Variants in ANK2 observed in about 807,000 individuals in gnomAD.
ANK2 encodes the protein ankyrin 2.
ANK2 carries 83 observed loss-of-function variants against 360.5 expected under a neutral mutation model. The observed-to-expected ratio is 0.23, with a 90% CI of 0.19 to 0.28. ANK2 has a LOEUF of 0.28. Among genes scored for constraint, ANK2 ranks in the 10% least tolerant of loss-of-function variants. The pLI, the probability that ANK2 is intolerant of heterozygous loss-of-function variation, is 1.00. For synonymous variants in ANK2, 1,740 were observed against 1,759.5 expected, an observed-to-expected ratio of 0.99 and a Z score of 0.28; for missense variants, 4,201 against 4,795.7, an observed-to-expected ratio of 0.88 and a Z score of 3.66.
At chr4:113,127,106 A>C (rs760170014) in intron 1 of ANK2, among the ~76,000 whole-genome samples, 2 of 151,688 alleles carry the variant, frequency 1.3e-5, no homozygotes, top group Non-Finnish European at 2.9e-5. Context: ...TTTCACTTAC[A>C]ATCAAACAGA....
At chr4:112,959,720 A>G (rs1485530315) in intron 2 of ANK2, among the ~76,000 whole-genome samples, 1 of 152,332 alleles carries the variant, frequency 6.6e-6, no homozygotes, top group East Asian at 1.9e-4. Context: ...TGGTGCTTCT[A>G]TGGAAGTCTT....
intron 14 of ANK2, among the ~76,000 whole-genome samples, chr4:113,267,966 A>T (rs536967266): frequency 5.3e-5 from 8 of 152,250 alleles, no homozygotes; most frequent in African/African-American, 1.4e-4. Flanking sequence ...GGTCCTTCAC[A>T]TCCCTTGTAA....
intron 1 of ANK2, among the ~76,000 whole-genome samples, chr4:112,831,475 T>A (rs995658630): frequency 1.3e-5 from 2 of 152,154 alleles, no homozygotes; most frequent in African/African-American, 4.8e-5. Context: ...AGCTCAAGGT[T>A]TGTAAACACA....
chr4:113,088,457 A>G (rs529275887), intron 1 of ANK2, among the ~76,000 whole-genome samples: 93 of 152,336 alleles, frequency 6.1e-4, no homozygotes, highest in Middle Eastern at 6.8e-3. Context: ...GCGTTTACCT[A>G]TATAAAGTGG....
chr4:112,714,431 C>T, the ANK2 span, among the ~76,000 whole-genome samples: 1 of 152,222 alleles, frequency 6.6e-6, no homozygotes. Flanking sequence ...AATCTACCCA[C>T]CTTGGTCTCC....
rs1362099312 is a variant in ANK2, at chr4:113,360,909, G to A, written c.10756+12G>A. 3.1e-6 allele frequency: 5 copies of A among 1,610,120 alleles called. No individual in the cohort carries two copies. The African/African-American group carries it at 5.3e-5, about 17-fold the overall frequency. ...CTTCAGCTGGACAGGTAAAAAGAAT[G>A]TGACCCAGGTTTTCAACAAAACCTG... On this transcript the variant is annotated intron_variant, in intron 39 of 45. Transcript: ENST00000357077.
At chr4:113,370,315 T>A (rs2096683578) in intron 43 of ANK2, among the ~76,000 whole-genome samples, 1 of 151,908 alleles carries the variant, frequency 6.6e-6, no homozygotes, top group Non-Finnish European at 1.5e-5. Context: ...TTTTTTTTTT[T>A]AAGATTTATT....
chr4:112,742,085 A>G, the ANK2 span, among the ~76,000 whole-genome samples: 2 of 151,944 alleles, frequency 1.3e-5, no homozygotes, highest in African/African-American at 4.8e-5. Flanking sequence ...TGAGACCAGG[A>G]GTTCAAACCA....
the ANK2 span, among the ~76,000 whole-genome samples, chr4:112,777,183 C>T: frequency 1.3e-5 from 2 of 152,096 alleles, no homozygotes; most frequent in African/African-American, 4.8e-5. Flanking sequence ...GTATGTAAGG[C>T]TTACATGTGC....
chr4:113,331,856 C>G, intron 27 of ANK2, 116 bp from the exon 28 acceptor site: 1 of 947,842 alleles, frequency 1.1e-6, no homozygotes. Flanking sequence ...GAACCAAACG[C>G]AGTGTGAAAC....
At chr4:112,770,711 C>CAA in the ANK2 span, among the ~76,000 whole-genome samples, 11,570 of 121,336 alleles carry the variant, frequency 0.095, 628 homozygotes, top group Non-Finnish European at 0.13. Flanking sequence ...CTCTCTCTCT[C>CAA]AAAAAAAAAA....
chr4:113,185,393 A>C (rs542232401), intron 2 of ANK2, among the ~76,000 whole-genome samples: 1 of 152,312 alleles, frequency 6.6e-6, no homozygotes, highest in South Asian at 2.1e-4. Flanking sequence ...CTGACTTTTT[A>C]GTGATAGCCA....
rs2095631379 is a variant in ANK2, at chr4:113,354,648, C to A, written c.6030C>A (p.Leu2010=). 6.2e-7 allele frequency: 1 copy of A among 1,614,094 alleles called. No homozygotes were observed. Among genetic ancestry groups the A allele is most frequent in the South Asian group, 1.1e-5 (1 of 91,078 alleles). ...ACCCTTCTAAACATAAAACTGGACT[C>A]TTTGAGCACAAATCAGCAAAACAAA... is the stretch of plus-strand genomic sequence containing the variant. The part of the protein sequence containing the change: ...GQDPSKHKTG[L]FEHKSAKQKQ... Residue 2010 remains leucine, a synonymous_variant, in exon 38 of 46, where the codon CTC becomes CTA. Coordinates refer to ENST00000357077, the MANE Select transcript of ANK2 (RefSeq NM_001148.6).
At chr4:112,975,176 A>C (rs1582327303) in intron 2 of ANK2, among the ~76,000 whole-genome samples, 1 of 152,298 alleles carries the variant, frequency 6.6e-6, no homozygotes, top group East Asian at 1.9e-4. Context: ...CTTTTGGTAA[A>C]GGAATATACT....
chr4:113,309,981 A>C (rs1297313314), intron 23 of ANK2, among the ~76,000 whole-genome samples: 1 of 152,194 alleles, frequency 6.6e-6, no homozygotes, highest in Non-Finnish European at 1.5e-5. Flanking sequence ...GTTCTACCTG[A>C]TCAAATGCTG....
At chr4:113,077,074 T>A (rs1334161260) in intron 1 of ANK2, among the ~76,000 whole-genome samples, 2 of 152,124 alleles carry the variant, frequency 1.3e-5, no homozygotes, top group Non-Finnish European at 2.9e-5. Context: ...TGTAAATAGA[T>A]GATCATTGCA....
Position 113,358,294 on chromosome 4 carries a change from C to G in ANK2, c.9676C>G (p.Pro3226Ala). The change falls in exon 38 of 46, where the codon CCC (proline) becomes GCC (alanine). Residue 3226 changes from proline to alanine, a missense_variant. Pro to Ala is a conservative substitution (Grantham distance 27, BLOSUM62 -1). Transcript: ENST00000357077. ...EAVSVGTKDL[P>A]TVQTGDIPPL... ...TGTTAGTGTAGGGACCAAGGACCTC[C>G]CCACCGTGCAAACGGGTGATATACC... 6.2e-7 allele frequency: 1 copy of G among 1,613,482 alleles called. No homozygotes were observed. Among genetic ancestry groups the G allele is most frequent in the Non-Finnish European group, 8.5e-7 (1 of 1,179,610 alleles).
chr4:112,730,362 C>T, the ANK2 span, among the ~76,000 whole-genome samples: 7 of 150,782 alleles, frequency 4.6e-5, no homozygotes, highest in Non-Finnish European at 8.8e-5. Flanking sequence ...GCTGGCCAGG[C>T]GCAGTGGCTC....
chr4:113,193,731 G>A (rs898647144), intron 2 of ANK2, among the ~76,000 whole-genome samples: 4 of 152,110 alleles, frequency 2.6e-5, no homozygotes, highest in Admixed American at 2.6e-4. Context: ...GTGGTGGTGA[G>A]GACTGAGAGG....
Sources: allele counts gnomAD v4.1 joint callset (sites outside exome capture counted in the v4.1 genomes callset), GRCh38; gene constraint gnomAD v4.1.1; transcripts MANE v1.5; gene names NCBI Gene and HGNC (gene_info 2026-07-23, HGNC 2026-07-21).